Variants in DIP2A observed in about 807,000 individuals in gnomAD.
The protein encoded by DIP2A is DIP2 acetate--CoA ligase A.
DIP2A carries 85 observed loss-of-function variants against 177.4 expected under a neutral mutation model. The observed-to-expected ratio is 0.48, with a 90% confidence interval of 0.40 to 0.57. The LOEUF (loss-of-function observed/expected upper bound fraction) is 0.57, where lower values mean the gene tolerates loss of function less well. DIP2A is among the 20% of genes least tolerant of loss of function. The pLI is 0.00. For synonymous variants in DIP2A, 886 were observed against 881.8 expected, an observed-to-expected ratio of 1.00 and a Z score of -0.08; for missense variants, 1,791 against 2,100.2, an observed-to-expected ratio of 0.85 and a Z score of 2.88.
chr21:46,533,787 C>T (rs1352867096), intron 11 of DIP2A, 140 bp downstream of exon 11: 5 of 1,329,224 alleles, frequency 3.8e-6, no homozygotes, highest in Admixed American at 4.5e-5. Context: ...TGGTGAATCT[C>T]GGTTTTCATC....
In DIP2A at chr21:46,468,786, T is replaced by TA. The variant is rs767471160; in HGVS notation, c.91+9565dup. ...GGTGATGGTTTCACAGGGATATACT[T>TA]ACCTTTAAATTCATCAAAATTTATA... On this transcript the variant is annotated intron_variant, in intron 1 of 37. Transcript: ENST00000417564. Among the ~76,000 whole-genome samples the TA allele has an allele frequency of 4.0e-4, 61 of 152,332 alleles. 1 individual carries two copies. The highest frequency in any genetic ancestry group is 1.9e-3 in the Admixed American group (29 of 15,290).
chr21:46,495,247 TC>T (rs1713833739), intron 3 of DIP2A, among the ~76,000 whole-genome samples: 2 of 94,064 alleles, frequency 2.1e-5, no homozygotes, highest in Non-Finnish European at 3.8e-5. Context: ...CTCTTCTTTC[TC>T]TCTCTCTCTC....
chr21:46,468,532 A>G (rs11089066), intron 1 of DIP2A, among the ~76,000 whole-genome samples: 71,223 of 151,920 alleles, frequency 0.47, 16,974 homozygotes, highest in Non-Finnish European at 0.51. Flanking sequence ...TGGTTGCCAG[A>G]GACTGGGGTG....
intron 1 of DIP2A, among the ~76,000 whole-genome samples, chr21:46,470,942 A>C (rs2055322167): frequency 6.6e-6 from 1 of 152,046 alleles, no homozygotes; most frequent in African/African-American, 2.4e-5. Context: ...AAAAAAAAAA[A>C]AAAAAGAATT....
intron 13 of DIP2A, among the ~76,000 whole-genome samples, chr21:46,536,294 G>A (rs1033012371): frequency 6.6e-6 from 1 of 152,210 alleles, no homozygotes; most frequent in African/African-American, 2.4e-5. Flanking sequence ...GGTGGGAGCC[G>A]GATATTAGAG....
At position 46,550,631 on chromosome 21, in the gene DIP2A, A is replaced by G. The variant is rs1367782786; in HGVS notation, c.2726A>G (p.His909Arg). 1.2e-6 allele frequency: 2 copies of G among 1,613,906 alleles called. No individual in the cohort carries two copies. Among genetic ancestry groups the G allele is most frequent in the Admixed American group, 3.3e-5 (2 of 60,010 alleles). The change falls in exon 23 of 38, where the codon CAC becomes CGC. Residue 909 changes from histidine (H) to arginine (R), a missense_variant. By Grantham distance (29) the His-to-Arg change is conservative. Coordinates refer to ENST00000417564, the MANE Select transcript of DIP2A (RefSeq NM_015151.4). The stretch of plus-strand genomic sequence containing the variant: ...CCCAAGGCTCCTCTCGGAGGGATTC[A>G]CATTTCTGAAACCAAACAGCGCTTT... ...TLPKAPLGGI[H>R]ISETKQRFLE...
At chr21:46,490,252 C>T (rs59637987) in intron 2 of DIP2A, among the ~76,000 whole-genome samples, 7,124 of 152,168 alleles carry the variant, frequency 0.047, 534 homozygotes, top group African/African-American at 0.16. Flanking sequence ...GACTTGGAAA[C>T]GTAATTCAGA....
rs2058697989 is a variant in DIP2A at position 46,518,831 on chromosome 21, T to C, written c.1102+7217T>C. On this transcript the variant is annotated intron_variant, in intron 8 of 37. Coordinates refer to ENST00000417564, the MANE Select transcript of DIP2A (RefSeq NM_015151.4). ...AAGATTGCACCGCTGCACTGCAGCC[T>C]AAGTGACAGAGCGAGACCCTGTCTC... is the stretch of plus-strand genomic sequence containing the variant. Among the ~76,000 whole-genome samples, 6 of 152,234 alleles carry C rather than the reference T, an allele frequency of 3.9e-5. 1 individual carries two copies. In the South Asian group the frequency reaches 8.3e-4, roughly 21 times the overall value.
rs548398609 is a variant in DIP2A, at chr21:46,554,665, C to T, written c.3245C>T (p.Thr1082Ile). The change falls in exon 27 of 38, where the codon ACC becomes ATC. Residue 1082 changes from threonine (T) to isoleucine (I), a missense_variant. Transcript: ENST00000417564. ...CCCCCGCACCCTCAGAACCTCGGCACCACACTGCCCACCGTCAAGATGATC... is the reference window on the plus strand; with the variant it reads ...CCCCCGCACCCTCAGAACCTCGGCATCACACTGCCCACCGTCAAGATGATC... ...VRPPHPQNLG[T>I]TLPTVKMIVE... The T allele has an allele frequency of 1.3e-6, 2 of 1,580,014 alleles. No individual in the cohort carries two copies. Among genetic ancestry groups the T allele is most frequent in the South Asian group, 1.2e-5 (1 of 86,466 alleles).
intron 7 of DIP2A, among the ~76,000 whole-genome samples, chr21:46,510,271 G>A (rs902047061): frequency 6.6e-6 from 1 of 152,150 alleles, no homozygotes; most frequent in Non-Finnish European, 1.5e-5. Flanking sequence ...ACGTTCTTCT[G>A]CCTGCTTTAT....
Position 46,540,138 on chromosome 21 carries a change from G to A in DIP2A, c.2036+147G>A, listed in dbSNP as rs546393980. 61 of 656,838 alleles carry A rather than the reference G, an allele frequency of 9.3e-5. No homozygotes were observed. The African/African-American group carries it at 9.8e-4, about 11-fold the overall frequency. The allele number at this position is 656,838 out of a possible 1,614,324, so 40.7% of individuals were successfully genotyped here. A position where few individuals can be genotyped will look rare whatever the true frequency, so the allele number is the denominator to read the frequency against. ...GGTGCCTGGCCCCCCACATTTTGCC[G>A]GCTTGGGTTTGTGTGGAGAATTGGG... On this transcript the variant is annotated intron_variant, in intron 17 of 37. Transcript: ENST00000417564.
intron 6 of DIP2A, 82 bp downstream of exon 6, chr21:46,504,571 C>A: frequency 6.8e-7 from 1 of 1,478,330 alleles, no homozygotes; most frequent in Non-Finnish European, 8.9e-7. Flanking sequence ...TTAATGTATT[C>A]ACTGTAGCAA....
chr21:46,573,645 CAAAAAAAAAAAAAAAAAAAA>C (rs201994694), downstream of DIP2A, among the ~76,000 whole-genome samples: 640 of 52,982 alleles, frequency 0.012, 9 homozygotes, highest in Admixed American at 0.027. Flanking sequence ...CCCTCTCTCA[CAAAAAAAAAAAAAAAAAAAA>C]AAAAAAAAAA....
chr21:46,535,114 C>A (rs1374043007), intron 13 of DIP2A, among the ~76,000 whole-genome samples: 2 of 152,146 alleles, frequency 1.3e-5, no homozygotes, highest in African/African-American at 4.8e-5. Flanking sequence ...TTTTCTATTA[C>A]TTTATCTATG....
At chr21:46,530,506 A>G (rs1408089781) in intron 9 of DIP2A, among the ~76,000 whole-genome samples, 1 of 152,218 alleles carries the variant, frequency 6.6e-6, no homozygotes, top group Admixed American at 6.5e-5. Flanking sequence ...AGTGAGTATT[A>G]ATATTCTTGG....
chr21:46,482,823 A>C (rs2148421563), intron 1 of DIP2A, among the ~76,000 whole-genome samples: 1 of 152,334 alleles, frequency 6.6e-6, no homozygotes, highest in East Asian at 1.9e-4. Flanking sequence ...GCAGCAGTGG[A>C]GTTCAGCCAG....
chr21:46,467,472 ATCT>A lies in DIP2A; in HGVS notation c.91+8255_91+8257del, dbSNP rs750215920. On this transcript the variant is annotated intron_variant, in intron 1 of 37. Transcript: ENST00000417564. ...TGCCTTTAACTCCTGGGTTCAAATG[ATCT>A]TCTTGCCTCAGTCTCTTGAATAACT... Among the ~76,000 whole-genome samples the A allele has an allele frequency of 3.9e-5, 6 of 152,070 alleles. No homozygotes were observed. In the South Asian group the frequency reaches 8.3e-4, roughly 21 times the overall value.
chr21:46,576,645 C>T, the DIP2A span, among the ~76,000 whole-genome samples: 17,340 of 152,004 alleles, frequency 0.11, 1,356 homozygotes, highest in African/African-American at 0.22. Flanking sequence ...TACCCAGTAA[C>T]GGGATTGCTG....
At chr21:46,523,008 C>G (rs1434545338) in intron 8 of DIP2A, among the ~76,000 whole-genome samples, 1 of 152,010 alleles carries the variant, frequency 6.6e-6, no homozygotes, top group Non-Finnish European at 1.5e-5. Context: ...TCACCGCAAC[C>G]TCTGTCTCCC....
Sources: allele counts gnomAD v4.1 joint callset (sites outside exome capture counted in the v4.1 genomes callset), GRCh38; gene constraint gnomAD v4.1.1; transcripts MANE v1.5; gene names NCBI Gene and HGNC (gene_info 2026-07-23, HGNC 2026-07-21).